Variants in DCDC1 observed in about 807,000 individuals in gnomAD.
DCDC1 encodes doublecortin domain-containing protein 1.
DCDC1 carries 200 observed loss-of-function variants against 178.3 expected under a neutral mutation model. The ratio of observed to expected loss-of-function variants is 1.12; its 90% CI spans 1.00 to 1.26. DCDC1 has a LOEUF of 1.26. DCDC1 is among the 50% of genes most tolerant of loss of function. The pLI, the probability that DCDC1 is intolerant of heterozygous loss-of-function variation, is 0.00. For missense variants in DCDC1, 1,983 were observed against 1,749.2 expected, an observed-to-expected ratio of 1.13 and a Z score of -2.38; for synonymous variants, 690 against 604.8, an observed-to-expected ratio of 1.14 and a Z score of -2.07.
At chr11:31,198,287 T>C (rs1483112523) in intron 9 of DCDC1, among the ~76,000 whole-genome samples, 1 of 152,022 alleles carries the variant, frequency 6.6e-6, no homozygotes, top group Non-Finnish European at 1.5e-5. Context: ...TCCAGAATTC[T>C]ACATAGAAAA....
intron 12 of DCDC1, among the ~76,000 whole-genome samples, chr11:31,109,460 T>A (rs1348679820): frequency 6.6e-6 from 1 of 152,094 alleles, no homozygotes; most frequent in Non-Finnish European, 1.5e-5. Flanking sequence ...TCTGGATCCT[T>A]CTCTCTCTAA....
rs894902045 is a variant in DCDC1, at chr11:31,238,092, T to TA, written c.1221+3357dup. On this transcript the variant is annotated intron_variant, in intron 9 of 38. Transcript: ENST00000684477. ...TATGAGTGCTTTCAAAAATTGTATT[T>TA]AAAAAAAAAAAAGTACTATGCATTC... Among the ~76,000 whole-genome samples, 392 of 145,830 alleles carry TA rather than the reference T, an allele frequency of 2.7e-3. 2 individuals are homozygous for TA. The highest frequency in any genetic ancestry group is 7.8e-3 in the African/African-American group (312 of 40,032).
At chr11:30,926,568 T>C (rs980237968) in intron 22 of DCDC1, among the ~76,000 whole-genome samples, 2 of 152,192 alleles carry the variant, frequency 1.3e-5, no homozygotes, top group Admixed American at 6.5e-5. Context: ...TGGAGCATTT[T>C]CTAAACAATA....
At chr11:31,037,539 C>G (rs1954136216) in intron 20 of DCDC1, among the ~76,000 whole-genome samples, 1 of 151,000 alleles carries the variant, frequency 6.6e-6, no homozygotes, top group Non-Finnish European at 1.5e-5. Context: ...ATACGCCATT[C>G]TCCTGCCTCA....
At chr11:31,011,023 A>G (rs996083666) in intron 20 of DCDC1, among the ~76,000 whole-genome samples, 1 of 152,190 alleles carries the variant, frequency 6.6e-6, no homozygotes, top group Non-Finnish European at 1.5e-5. Context: ...TCATGAATGT[A>G]TGGAAATATG....
chr11:31,338,120 C>T (rs1039172558), intron 1 of DCDC1, among the ~76,000 whole-genome samples: 1 of 152,138 alleles, frequency 6.6e-6, no homozygotes, highest in Non-Finnish European at 1.5e-5. Flanking sequence ...TAGGAGTACT[C>T]TGATGAACTA....
In DCDC1 at chr11:31,065,024, C is replaced by T. The variant is rs1956169254; in HGVS notation, c.2428G>A (p.Glu810Lys). Residue 810 changes from glutamate (E) to lysine (K), a missense_variant, in exon 19 of 39, where the codon GAA becomes AAA. By Grantham distance (56) the Glu-to-Lys change is moderately conservative. Coordinates refer to ENST00000684477, the MANE Select transcript of DCDC1 (RefSeq NM_001387274.1). ...AHQEHGRNLA[E>K]EVLQESASNL... ...CTCTGGCTCCCTACACTGACCTCTT[C>T]TGCTAAGTTTCTGCCATGTTCCTGA... 1 of 760,060 alleles carries T rather than the reference C, an allele frequency of 1.3e-6. No individual in the cohort carries two copies. Among genetic ancestry groups the T allele is most frequent in the Non-Finnish European group, 2.4e-6 (1 of 415,992 alleles). The allele number at this position is 760,060 out of a possible 1,614,324, so 47.1% of individuals were successfully genotyped here.
At chr11:30,992,073 A>C (rs558613793) in intron 20 of DCDC1, among the ~76,000 whole-genome samples, 1 of 152,356 alleles carries the variant, frequency 6.6e-6, no homozygotes, top group Non-Finnish European at 1.5e-5. Context: ...ACACAAATAA[A>C]GTACAATGTA....
chr11:31,213,100 C>A (rs12284116), intron 9 of DCDC1, among the ~76,000 whole-genome samples: 5 of 44,274 alleles, frequency 1.1e-4, no homozygotes, highest in African/African-American at 3.4e-4. Flanking sequence ...TAAAGCCCAG[C>A]CTCTCTCTCT....
intron 20 of DCDC1, among the ~76,000 whole-genome samples, chr11:30,967,774 G>A (rs944436051): frequency 6.6e-6 from 1 of 152,132 alleles, no homozygotes; most frequent in Non-Finnish European, 1.5e-5. Context: ...TCTATAGATA[G>A]TCTATTATGA....
At chr11:31,002,324 TTC>T (rs1951622428) in intron 20 of DCDC1, among the ~76,000 whole-genome samples, 1 of 152,244 alleles carries the variant, frequency 6.6e-6, no homozygotes, top group African/African-American at 2.4e-5. Flanking sequence ...TTTTAATATA[TTC>T]TTTTTTAACA....
chr11:31,044,789 G>A (rs572300075), intron 20 of DCDC1, among the ~76,000 whole-genome samples: 9 of 152,250 alleles, frequency 5.9e-5, no homozygotes, highest in African/African-American at 1.7e-4. Flanking sequence ...ATTTGGACTT[G>A]GTGAAAACTC....
intron 13 of DCDC1, among the ~76,000 whole-genome samples, chr11:31,104,512 A>G (rs887222569): frequency 1.3e-5 from 2 of 152,174 alleles, no homozygotes; most frequent in African/African-American, 4.8e-5. Context: ...ACAAAACAAA[A>G]GATTAAAAGA....
chr11:30,914,890 A>C (rs1032306332), intron 27 of DCDC1, among the ~76,000 whole-genome samples: 9 of 152,202 alleles, frequency 5.9e-5, no homozygotes, highest in African/African-American at 9.6e-5. Context: ...CAAAATTAAT[A>C]GGACTTCCTT....
chr11:31,359,564 C>A (rs900142991), intron 1 of DCDC1, among the ~76,000 whole-genome samples: 2 of 151,866 alleles, frequency 1.3e-5, no homozygotes, highest in African/African-American at 4.8e-5. Flanking sequence ...TGCACATGTA[C>A]CCTAAAACTT....
intron 20 of DCDC1, among the ~76,000 whole-genome samples, chr11:30,988,045 A>T (rs1304981381): frequency 1.3e-5 from 2 of 152,078 alleles, no homozygotes; most frequent in Non-Finnish European, 1.5e-5. Flanking sequence ...GGCAGAAGCC[A>T]GACTGTGGAG....
chr11:31,001,156 C>T (rs923836123), intron 20 of DCDC1, among the ~76,000 whole-genome samples: 48 of 152,054 alleles, frequency 3.2e-4, no homozygotes, highest in African/African-American at 1.1e-3. Context: ...TTTATTCAGT[C>T]ATTTATTTGT....
At chr11:30,914,446 G>A (rs968433866) in intron 27 of DCDC1, among the ~76,000 whole-genome samples, 1 of 152,138 alleles carries the variant, frequency 6.6e-6, no homozygotes, top group East Asian at 1.9e-4. Context: ...GAAAATCTCA[G>A]CTCTTTCCCA....
At chr11:31,324,777 ATTCAT>A (rs2137820332) in intron 3 of DCDC1, among the ~76,000 whole-genome samples, 1 of 152,272 alleles carries the variant, frequency 6.6e-6, no homozygotes, top group East Asian at 1.9e-4. Context: ...AGGATCTAAG[ATTCAT>A]TCCAAGTAAA....
Sources: gnomAD v4.1 joint callset for allele counts (sites outside exome capture counted in the v4.1 genomes callset) on GRCh38, gnomAD v4.1.1 for gene constraint, MANE v1.5 for transcripts, NCBI Gene and HGNC (gene_info 2026-07-23, HGNC 2026-07-21) for gene names.